JAK2: variants seen among roughly 807,000 people sequenced by gnomAD.
JAK2 encodes tyrosine-protein kinase JAK2.
Under a neutral mutation model 139.3 loss-of-function variants are expected in JAK2, and 86 were observed. That is an observed-to-expected ratio of 0.62 (90% confidence interval 0.52 to 0.74). The LOEUF is 0.74. JAK2 is among the 30% of genes least tolerant of loss of function. The pLI is 0.00. For synonymous variants in JAK2, 490 were observed against 437.7 expected, an observed-to-expected ratio of 1.12 and a Z score of -1.49; for missense variants, 1,421 against 1,360.3, an observed-to-expected ratio of 1.04 and a Z score of -0.70.
At chr9:5,040,593 T>C (rs927530263) in intron 4 of JAK2, among the ~76,000 whole-genome samples, 2 of 152,230 alleles carry the variant, frequency 1.3e-5, no homozygotes, top group Non-Finnish European at 2.9e-5. Context: ...CTCCAGAATA[T>C]AAAAGAATTC....
chr9:5,049,738 A>T (rs1231212137), intron 5 of JAK2, among the ~76,000 whole-genome samples: 2 of 152,198 alleles, frequency 1.3e-5, no homozygotes, highest in African/African-American at 4.8e-5. Context: ...AGGCAATTTT[A>T]TTGTTCTGTG....
At chr9:4,994,344 C>T (rs574495129) in intron 2 of JAK2, among the ~76,000 whole-genome samples, 76 of 152,256 alleles carry the variant, frequency 5.0e-4, no homozygotes, top group Middle Eastern at 3.4e-3. Flanking sequence ...CCCACTGGTT[C>T]TTATCAGAAT....
intron 22 of JAK2, chr9:5,110,650 A>C: frequency 4.5e-6 from 1 of 223,812 alleles, no homozygotes; most frequent in South Asian, 6.4e-5. Flanking sequence ...CTTATTATCG[A>C]AACCACAAAT....
Position 5,017,888 on chromosome 9 carries a change from C to T in JAK2, c.-25-4075C>T, listed in dbSNP as rs546219320. On this transcript the variant is annotated intron_variant, in intron 2 of 24. Coordinates refer to ENST00000381652, the MANE Select transcript of JAK2 (RefSeq NM_004972.4). ...AATCCCTTTATCATTCTAGAATTAC[C>T]TTGTCTCTTTACTGTTTGTGACTTA... Among the ~76,000 whole-genome samples the T allele has an allele frequency of 1.8e-3, 273 of 152,118 alleles. 1 individual carries two copies. Among genetic ancestry groups the T allele is most frequent in the East Asian group, 2.7e-3 (14 of 5,186 alleles).
chr9:5,020,727 G>C (rs1243434013), intron 2 of JAK2, among the ~76,000 whole-genome samples: 1 of 152,162 alleles, frequency 6.6e-6, no homozygotes, highest in Non-Finnish European at 1.5e-5. Flanking sequence ...ATATATGGCA[G>C]CCCTTCTGCT....
At chr9:5,115,441 G>C (rs1287896101) in intron 22 of JAK2, among the ~76,000 whole-genome samples, 2 of 152,192 alleles carry the variant, frequency 1.3e-5, no homozygotes, top group Non-Finnish European at 2.9e-5. Flanking sequence ...GGAAAAACAG[G>C]AATGCTTTTA....
In JAK2 at chr9:5,007,297, G is replaced by A. The variant is rs80198326; in HGVS notation, c.-25-14666G>A. ...CTGCGTTTTACTCATTTTCATTATTGATTCAAAGTATTTTTAAAGTTATTC... is the reference window on the plus strand; with the variant it reads ...CTGCGTTTTACTCATTTTCATTATTAATTCAAAGTATTTTTAAAGTTATTC... On this transcript the variant is annotated intron_variant, in intron 2 of 24. Coordinates refer to ENST00000381652, the MANE Select transcript of JAK2 (RefSeq NM_004972.4). Among the ~76,000 whole-genome samples the A allele has an allele frequency of 1.6e-3, 241 of 152,076 alleles. 2 individuals are homozygous for A. In the East Asian group the frequency reaches 0.022, roughly 14 times the overall value.
At chr9:5,070,727 C>T (rs1054481854) in intron 12 of JAK2, among the ~76,000 whole-genome samples, 12 of 151,952 alleles carry the variant, frequency 7.9e-5, no homozygotes, top group African/African-American at 2.9e-4. Context: ...TGAAAAAAAC[C>T]CACATATAAA....
chr9:5,124,193 T>C (rs1823826806), intron 23 of JAK2, among the ~76,000 whole-genome samples: 1 of 151,944 alleles, frequency 6.6e-6, no homozygotes, highest in Non-Finnish European at 1.5e-5. Context: ...GATTTTGCTA[T>C]GCTGAAATTT....
At chr9:4,995,875 TAA>T (rs1279281955) in intron 2 of JAK2, among the ~76,000 whole-genome samples, 2 of 152,164 alleles carry the variant, frequency 1.3e-5, no homozygotes, top group African/African-American at 4.8e-5. Context: ...TGTGAAGTAT[TAA>T]GTTATTTTTT....
chr9:5,085,874 T>C (rs1368970263), intron 19 of JAK2: 2 of 790,724 alleles, frequency 2.5e-6, no homozygotes, highest in Admixed American at 3.4e-5. Flanking sequence ...CCTTAAGTTC[T>C]GTTGTTGATA....
chr9:5,097,997 T>A, intron 22 of JAK2: 1 of 152,338 alleles, frequency 6.6e-6, no homozygotes, highest in Non-Finnish European at 1.5e-5. Flanking sequence ...TCCTGATGCA[T>A]ACACCGCATG....
At chr9:5,077,820 A>T (rs1489288998) in intron 15 of JAK2, among the ~76,000 whole-genome samples, 3 of 152,204 alleles carry the variant, frequency 2.0e-5, no homozygotes, top group African/African-American at 7.2e-5. Context: ...GACAATCTGT[A>T]TGTTGTGTCT....
chr9:5,013,531 T>C (rs899579730), intron 2 of JAK2, among the ~76,000 whole-genome samples: 3 of 152,370 alleles, frequency 2.0e-5, no homozygotes, highest in South Asian at 2.1e-4. Flanking sequence ...CTGACCTATC[T>C]GAACCTTCCA....
intron 2 of JAK2, among the ~76,000 whole-genome samples, chr9:5,015,497 G>C (rs1821985022): frequency 6.6e-6 from 1 of 151,870 alleles, no homozygotes; most frequent in African/African-American, 2.4e-5. Flanking sequence ...CAGTAATGCT[G>C]GTTGTAGTTG....
chr9:5,095,207 G>C (rs958218028), intron 22 of JAK2, among the ~76,000 whole-genome samples: 3 of 151,974 alleles, frequency 2.0e-5, no homozygotes, highest in Admixed American at 6.6e-5. Context: ...GAAAATGTTG[G>C]TTATACCCTT....
At chr9:5,116,727 TC>T (rs1307338944) in intron 22 of JAK2, among the ~76,000 whole-genome samples, 1 of 152,182 alleles carries the variant, frequency 6.6e-6, no homozygotes, top group Non-Finnish European at 1.5e-5. Context: ...AAAAGGACTG[TC>T]CCTTAGTAGA....
At chr9:5,079,229 G>A (rs1819510540) in intron 16 of JAK2, among the ~76,000 whole-genome samples, 1 of 152,292 alleles carries the variant, frequency 6.6e-6, no homozygotes, top group African/African-American at 2.4e-5. Flanking sequence ...GGAATCGGAA[G>A]TGAAGATGGA....
intron 4 of JAK2, among the ~76,000 whole-genome samples, chr9:5,034,369 T>C (rs1168913576): frequency 2.0e-5 from 3 of 152,068 alleles, no homozygotes; most frequent in South Asian, 2.1e-4. Flanking sequence ...AGGAATTGAA[T>C]TCAGCTCTGG....
Sources: gnomAD v4.1 joint callset for allele counts (sites outside exome capture counted in the v4.1 genomes callset) on GRCh38, gnomAD v4.1.1 for gene constraint, MANE v1.5 for transcripts, NCBI Gene and HGNC (gene_info 2026-07-23, HGNC 2026-07-21) for gene names.